The following NGEF variants were observed in gnomAD, a reference collection of about 807,000 sequenced individuals.
NGEF encodes the protein neuronal guanine nucleotide exchange factor.
In NGEF, 31 loss-of-function variants were observed where a neutral mutation model predicts 80.9. The observed-to-expected ratio is 0.38, with a 90% confidence interval of 0.29 to 0.52. NGEF has a LOEUF of 0.52. NGEF is among the 20% of genes least tolerant of loss of function. NGEF has a pLI of 0.84. For missense variants in NGEF, 709 were observed against 926.2 expected (o/e 0.77, Z 3.04); for synonymous variants, 371 against 370.2 (o/e 1.00, Z -0.03).
At chr2:232,919,765 A>C (rs1692893705) in intron 5 of NGEF, among the ~76,000 whole-genome samples, 1 of 152,208 alleles carries the variant, frequency 6.6e-6, no homozygotes, top group Non-Finnish European at 1.5e-5. Flanking sequence ...AGAGACACGA[A>C]TCCCAGATTT....
intron 5 of NGEF, among the ~76,000 whole-genome samples, chr2:232,903,584 GA>G: frequency 6.6e-6 from 1 of 152,224 alleles, no homozygotes; most frequent in South Asian, 2.1e-4. Context: ...TTAACCAAAA[GA>G]TAAATTTAAA....
At chr2:232,904,733 C>T (rs1017043505) in intron 5 of NGEF, among the ~76,000 whole-genome samples, 11 of 152,048 alleles carry the variant, frequency 7.2e-5, no homozygotes, top group African/African-American at 2.7e-4. Flanking sequence ...TGCTTGAGCC[C>T]AGGAGTTGGA....
intron 1 of NGEF, among the ~76,000 whole-genome samples, chr2:232,992,122 T>A (rs751678576): frequency 6.6e-6 from 1 of 152,120 alleles, no homozygotes; most frequent in Non-Finnish European, 1.5e-5. Flanking sequence ...ACCATAAAAC[T>A]CTTAGAAGAA....
chr2:232,972,743 C>CG (rs1378841965), intron 2 of NGEF, among the ~76,000 whole-genome samples: 6 of 135,768 alleles, frequency 4.4e-5, no homozygotes, highest in African/African-American at 8.2e-5. Flanking sequence ...ATGTCCTTAT[C>CG]CTTTTTTTTT....
At chr2:232,903,948 A>G (rs776522508) in intron 5 of NGEF, among the ~76,000 whole-genome samples, 1 of 152,244 alleles carries the variant, frequency 6.6e-6, no homozygotes, top group Non-Finnish European at 1.5e-5. Context: ...GAAAACAACA[A>G]AAATACAACT....
At position 232,878,944 on chromosome 2, in the gene NGEF, G is replaced by C. The variant is rs779115743; in HGVS notation, c.*545C>G. 2.0e-5 allele frequency: 3 copies of C among 152,884 alleles called. No homozygotes were observed. Among genetic ancestry groups the C allele is most frequent in the Admixed American group, 2.0e-4 (3 of 15,308 alleles). The allele number at this position is 152,884 out of a possible 1,614,324, so 9.5% of individuals were successfully genotyped here. On this transcript the variant is annotated 3_prime_UTR_variant, in exon 15 of 15. Coordinates refer to ENST00000264051, the MANE Select transcript of NGEF (RefSeq NM_019850.3). Reference sequence around the variant, plus strand: ...GACCGTGCAGCCAGAGGCTGGCAGAGGCCTGGGGAAGGGTGGGCAGAGGCA... The same window carrying C: ...GACCGTGCAGCCAGAGGCTGGCAGACGCCTGGGGAAGGGTGGGCAGAGGCA...
At chr2:232,932,065 A>C (rs1028947584) in intron 3 of NGEF, among the ~76,000 whole-genome samples, 2 of 152,056 alleles carry the variant, frequency 1.3e-5, no homozygotes, top group African/African-American at 4.8e-5. Flanking sequence ...TACTTCTACC[A>C]GCATTCTGTT....
chr2:232,893,563 C>G (rs1051227143), intron 6 of NGEF, among the ~76,000 whole-genome samples: 2 of 152,192 alleles, frequency 1.3e-5, no homozygotes, highest in African/African-American at 4.8e-5. Flanking sequence ...CACCTGAGGT[C>G]AGGAGTTCGA....
chr2:232,913,842 C>G (rs1361636909), intron 5 of NGEF, among the ~76,000 whole-genome samples: 1 of 152,130 alleles, frequency 6.6e-6, no homozygotes, highest in Non-Finnish European at 1.5e-5. Context: ...ATCACTTGAA[C>G]CTGGGAGGCA....
intron 1 of NGEF, among the ~76,000 whole-genome samples, chr2:232,990,433 GT>G (rs1287483954): frequency 2.0e-5 from 3 of 152,054 alleles, no homozygotes; most frequent in Non-Finnish European, 4.4e-5. Flanking sequence ...AAATATATCA[GT>G]TAATATTTAA....
chr2:232,901,653 G>A (rs1271956087), intron 5 of NGEF, among the ~76,000 whole-genome samples: 1 of 152,206 alleles, frequency 6.6e-6, no homozygotes, highest in Non-Finnish European at 1.5e-5. Flanking sequence ...AGGGTTCTGC[G>A]AGGTCCCTTC....
At chr2:232,901,416 C>G (rs769930771) in intron 5 of NGEF, 184 of 985,376 alleles carry the variant, frequency 1.9e-4, no homozygotes, top group Non-Finnish European at 2.1e-4. Flanking sequence ...GCCGTGCATT[C>G]CAGCCTGATT....
At chr2:232,938,603 AAT>A (rs935656765) in intron 3 of NGEF, among the ~76,000 whole-genome samples, 2 of 152,046 alleles carry the variant, frequency 1.3e-5, no homozygotes, top group Non-Finnish European at 2.9e-5. Flanking sequence ...CTAAGGGGTA[AAT>A]ACTATAGGCC....
Position 232,894,769 on chromosome 2 carries a change from CCAG to C in NGEF, c.973_975del (p.Leu325del). On this transcript the variant is annotated inframe_deletion, in exon 6 of 15. Coordinates refer to ENST00000264051, the MANE Select transcript of NGEF (RefSeq NM_019850.3). ...CCCCGTCCTCACCGCTCACTGACAG[CCAG>C]CACGTCCAGGACGTTGGAGAAGAGG... is the stretch of plus-strand genomic sequence containing the variant. 1 of 1,586,878 alleles carries C rather than the reference CCAG, an allele frequency of 6.3e-7. No individual in the cohort carries two copies. The highest frequency in any genetic ancestry group is 8.6e-7 in the Non-Finnish European group (1 of 1,158,714).
At chr2:233,001,876 G>A (rs931048784) in intron 1 of NGEF, among the ~76,000 whole-genome samples, 9 of 152,166 alleles carry the variant, frequency 5.9e-5, no homozygotes, top group Non-Finnish European at 1.0e-4. Context: ...TCAGCCAGTT[G>A]TGGTGGCGTG....
intron 5 of NGEF, among the ~76,000 whole-genome samples, chr2:232,906,971 T>TA (rs1478571036): frequency 1.3e-5 from 2 of 150,776 alleles, no homozygotes; most frequent in East Asian, 3.9e-4. Context: ...GTTAAACAGA[T>TA]GCTTGAAGGC....
chr2:232,971,308 C>G (rs934718386), intron 2 of NGEF, among the ~76,000 whole-genome samples: 5 of 152,302 alleles, frequency 3.3e-5, no homozygotes, highest in Admixed American at 3.3e-4. Flanking sequence ...ACGACATTTT[C>G]TCCTTGGATT....
In NGEF at chr2:232,932,617, G is replaced by T. The variant is rs573622221; in HGVS notation, c.384-5431C>A. On this transcript the variant is annotated intron_variant, in intron 3 of 14. Transcript: ENST00000264051. ...AGTATCAATTTCTGTCTTAGTTCAG[G>T]CAAAGTGCTGTAGTCTGGGGGCCTA... is the stretch of plus-strand genomic sequence containing the variant. Among the ~76,000 whole-genome samples the T allele has an allele frequency of 2.2e-4, 33 of 152,204 alleles. No individual in the cohort carries two copies. In the South Asian group the frequency reaches 6.2e-3, roughly 29 times the overall value.
intron 12 of NGEF, among the ~76,000 whole-genome samples, chr2:232,882,621 A>AC (rs1201664842): frequency 1.3e-5 from 2 of 152,204 alleles, no homozygotes; most frequent in African/African-American, 4.8e-5. Context: ...TCTCATCCCG[A>AC]CAGGTCCTGC....
Sources: gnomAD v4.1 joint callset for allele counts (sites outside exome capture counted in the v4.1 genomes callset) on GRCh38, gnomAD v4.1.1 for gene constraint, MANE v1.5 for transcripts, NCBI Gene and HGNC (gene_info 2026-07-23, HGNC 2026-07-21) for gene names.